The following FBXL2 variants were observed in gnomAD, a reference collection of about 807,000 sequenced individuals.
FBXL2 encodes the protein F-box and leucine rich repeat protein 2, also known as F-box/LRR-repeat protein 2.
FBXL2 carries 38 observed loss-of-function variants against 69.2 expected under a neutral mutation model. That is an observed-to-expected ratio of 0.55 (90% confidence interval 0.42 to 0.72). FBXL2 has a LOEUF of 0.72. Ranked by LOEUF, FBXL2 falls within the 30% of genes least tolerant of loss-of-function variation. The pLI, the probability that FBXL2 is intolerant of heterozygous loss-of-function variation, is 0.00. For synonymous variants in FBXL2, 192 were observed against 201.3 expected (o/e 0.95, Z 0.39); for missense variants, 354 against 520.3 (o/e 0.68, Z 3.11).
the FBXL2 span, chr3:33,412,715 C>T: frequency 1.3e-6 from 2 of 1,580,228 alleles, no homozygotes; most frequent in Non-Finnish European, 1.7e-6. Context: ...TTGATCACTG[C>T]CTGTACCTAA....
upstream of FBXL2, chr3:33,277,434 T>TGGCTGGCGTCACCAGGAC: frequency 8.0e-7 from 1 of 1,247,262 alleles, no homozygotes; most frequent in African/African-American, 1.6e-5. Flanking sequence ...GCGGGGCGCC[T>TGGCTGGCGTCACCAGGAC]GGCTGGCGTC....
intron 2 of FBXL2, among the ~76,000 whole-genome samples, chr3:33,333,107 G>C: frequency 6.6e-6 from 1 of 152,162 alleles, no homozygotes; most frequent in Non-Finnish European, 1.5e-5. Context: ...GGGGGATAGG[G>C]AGTGACTGCT....
intron 12 of FBXL2, chr3:33,402,834 G>T: frequency 6.2e-7 from 1 of 1,606,328 alleles, no homozygotes; most frequent in Non-Finnish European, 8.5e-7. Context: ...CTGCTGTGGG[G>T]AGGTGAAAGT....
At chr3:33,390,075 A>C, downstream of FBXL2, 1 of 437,582 alleles carries the variant, frequency 2.3e-6, no homozygotes, top group East Asian at 3.3e-5. Flanking sequence ...AGCAGCAGGC[A>C]GCTATGCCTG....
intron 9 of FBXL2, among the ~76,000 whole-genome samples, chr3:33,374,210 A>G (rs879410531): frequency 3.3e-5 from 5 of 152,232 alleles, no homozygotes; most frequent in African/African-American, 7.2e-5. Context: ...TGAGGAATGC[A>G]GTGAATTGGT....
At chr3:33,284,869 C>T (rs2034434770) in intron 1 of FBXL2, among the ~76,000 whole-genome samples, 1 of 152,038 alleles carries the variant, frequency 6.6e-6, no homozygotes, top group Non-Finnish European at 1.5e-5. Context: ...AATTGCAACC[C>T]CTGCTTTTTT....
chr3:33,393,524 AG>A, intron 12 of FBXL2: 1 of 1,501,490 alleles, frequency 6.7e-7, no homozygotes, highest in Non-Finnish European at 9.0e-7. Context: ...CCTGATCTGT[AG>A]GATCTGTACG....
downstream of FBXL2, among the ~76,000 whole-genome samples, chr3:33,404,961 A>G (rs553981253): frequency 6.6e-6 from 1 of 152,332 alleles, no homozygotes; most frequent in South Asian, 2.1e-4. Flanking sequence ...CTATTTTTAC[A>G]TGTAATAAAT....
chr3:33,288,899 G>A (rs2034935980), intron 1 of FBXL2, among the ~76,000 whole-genome samples: 1 of 152,148 alleles, frequency 6.6e-6, no homozygotes, highest in Non-Finnish European at 1.5e-5. Context: ...GACAAAGCAG[G>A]GTGACTGTGG....
Position 33,394,817 on chromosome 3 carries a change from GTTTT to G in FBXL2, n.1215-8400_1215-8397del, listed in dbSNP as rs76142927. ...ATGGGCCAATTCCTGCCCTCCACTTGTTTTTTTTTTTTTTTTTTTTAAATAAAGT... is the reference window on the plus strand; with the variant it reads ...ATGGGCCAATTCCTGCCCTCCACTTGTTTTTTTTTTTTTTTTAAATAAAGT... On this transcript the variant is annotated intron_variant and non_coding_transcript_variant, in intron 12 of 12. Transcript: ENST00000463736. 1.0e-4 allele frequency among the ~76,000 whole-genome samples: 11 copies of G among 110,444 alleles called. No homozygotes were observed. In the East Asian group the frequency reaches 1.0e-3, roughly 10 times the overall value. 72.5% of individuals were successfully genotyped at this position (110,444 alleles called of 152,430 possible).
intron 2 of FBXL2, among the ~76,000 whole-genome samples, chr3:33,313,175 T>G (rs571351147): frequency 6.6e-6 from 1 of 151,428 alleles, no homozygotes; most frequent in East Asian, 1.9e-4. Context: ...CCAATAAATT[T>G]AAGAAGTTAG....
intron 2 of FBXL2, among the ~76,000 whole-genome samples, chr3:33,318,501 TTGTC>T (rs1253900001): frequency 6.6e-6 from 1 of 152,178 alleles, no homozygotes; most frequent in Non-Finnish European, 1.5e-5. Flanking sequence ...TCTGCATTCT[TTGTC>T]TGCTGTCCAG....
At chr3:33,337,843 C>CT (rs2039710547) in intron 2 of FBXL2, among the ~76,000 whole-genome samples, 1 of 152,088 alleles carries the variant, frequency 6.6e-6, no homozygotes, top group Non-Finnish European at 1.5e-5. Flanking sequence ...AGAGCCAAAT[C>CT]AAGAACGCAA....
chr3:33,325,729 T>A (rs1329570349), intron 2 of FBXL2, among the ~76,000 whole-genome samples: 2 of 152,180 alleles, frequency 1.3e-5, no homozygotes, highest in African/African-American at 2.4e-5. Context: ...AATGTTTTTT[T>A]AAAAAAATTT....
chr3:33,295,777 A>G (rs569520784), intron 1 of FBXL2, among the ~76,000 whole-genome samples: 2 of 152,278 alleles, frequency 1.3e-5, no homozygotes, highest in South Asian at 2.1e-4. Context: ...AGCCAATCCT[A>G]TGGGTATGAT....
At chr3:33,412,306 C>A in the FBXL2 span, among the ~76,000 whole-genome samples, 1 of 151,192 alleles carries the variant, frequency 6.6e-6, no homozygotes, top group East Asian at 1.9e-4. Flanking sequence ...TATAAAACAA[C>A]TCTCTCGGTT....
At chr3:33,416,901 A>G in the FBXL2 span, 1 of 1,317,852 alleles carries the variant, frequency 7.6e-7, no homozygotes, top group Non-Finnish European at 1.1e-6. Flanking sequence ...AACATAATTC[A>G]AAATGCATGT....
chr3:33,359,331 C>CT lies in FBXL2; in HGVS notation c.174dup (p.Asn59Ter). 6.2e-7 allele frequency: 1 copy of CT among 1,611,774 alleles called. No individual in the cohort carries two copies. The highest frequency in any genetic ancestry group is 8.5e-7 in the Non-Finnish European group (1 of 1,178,462). On this transcript the variant is annotated frameshift_variant, in exon 4 of 15. Coordinates refer to ENST00000484457, the MANE Select transcript of FBXL2 (RefSeq NM_012157.5). LOFTEE classifies it high-confidence loss of function. ...TGGAAGCAACTGGCAAAGAATAGAT[C>CT]TTTTTAACTTTCAAACAGATGTAGA...
chr3:33,329,693 G>A (rs1319821514), intron 2 of FBXL2, among the ~76,000 whole-genome samples: 1 of 152,180 alleles, frequency 6.6e-6, no homozygotes, highest in Non-Finnish European at 1.5e-5. Context: ...TCACTCATAT[G>A]TGAGAGCTAA....
Sources: allele counts gnomAD v4.1 joint callset (sites outside exome capture counted in the v4.1 genomes callset), GRCh38; gene constraint gnomAD v4.1.1; transcripts MANE v1.5; gene names NCBI Gene and HGNC (gene_info 2026-07-23, HGNC 2026-07-21).